Variants in BBX observed in about 807,000 individuals in gnomAD.
The protein encoded by BBX is BBX high mobility group box domain containing.
In BBX, 30 loss-of-function variants were observed where a neutral mutation model predicts 100.2. The observed-to-expected ratio is 0.30, with a 90% CI of 0.22 to 0.41. The LOEUF (loss-of-function observed/expected upper bound fraction) is 0.41, where lower values mean the gene tolerates loss of function less well. Among genes scored for constraint, BBX ranks in the 10% least tolerant of loss-of-function variants. BBX has a pLI of 1.00. For missense variants in BBX, 1,023 were observed against 1,129.8 expected (o/e 0.91, Z 1.35); for synonymous variants, 376 against 388.1 (o/e 0.97, Z 0.37).
intron 17 of BBX, among the ~76,000 whole-genome samples, chr3:107,802,206 G>C (rs186276768): frequency 1.3e-5 from 2 of 152,360 alleles, no homozygotes; most frequent in East Asian, 3.9e-4. Flanking sequence ...TCTCAACCCA[G>C]TGCAGCTTGT....
In BBX at chr3:107,607,704, G is replaced by A. The variant is rs532112144; in HGVS notation, c.-83-38132G>A. Reference sequence around the variant, plus strand: ...AGCGTGCAAGGGTTTCCTTTTCTCCGTATCCTTGCCAGCATTTGCTGTTGC... The same window carrying A: ...AGCGTGCAAGGGTTTCCTTTTCTCCATATCCTTGCCAGCATTTGCTGTTGC... On this transcript the variant is annotated intron_variant, in intron 2 of 17. Transcript: ENST00000325805. 5.3e-5 allele frequency among the ~76,000 whole-genome samples: 8 copies of A among 152,192 alleles called. No individual in the cohort carries two copies. The South Asian group carries it at 1.7e-3, about 32-fold the overall frequency.
intron 2 of BBX, among the ~76,000 whole-genome samples, chr3:107,529,885 G>A (rs925732567): frequency 2.3e-4 from 35 of 151,660 alleles, no homozygotes; most frequent in African/African-American, 7.0e-4. Flanking sequence ...AGTTATGTGA[G>A]AGAATACAAA....
chr3:107,595,214 T>C (rs980984482), intron 2 of BBX, among the ~76,000 whole-genome samples: 1 of 152,176 alleles, frequency 6.6e-6, no homozygotes, highest in Non-Finnish European at 1.5e-5. Context: ...ACATACGAGG[T>C]TCAGATTCAA....
chr3:107,683,599 T>C (rs2059682692), intron 3 of BBX, among the ~76,000 whole-genome samples: 10 of 152,180 alleles, frequency 6.6e-5, no homozygotes, highest in Admixed American at 5.2e-4. Context: ...AGTCACTGCA[T>C]GTTCACATAC....
intron 2 of BBX, among the ~76,000 whole-genome samples, chr3:107,619,809 G>A (rs2055601965): frequency 6.6e-6 from 1 of 152,024 alleles, no homozygotes; most frequent in African/African-American, 2.4e-5. Context: ...TCTGTCATTT[G>A]AATGTTATTC....
intron 10 of BBX, among the ~76,000 whole-genome samples, chr3:107,759,205 G>T (rs2107692456): frequency 6.6e-6 from 1 of 152,250 alleles, no homozygotes; most frequent in South Asian, 2.1e-4. Flanking sequence ...CCTGGGGAAG[G>T]TCCTAATTCA....
rs1450109398 is a variant in BBX at position 107,586,136 on chromosome 3, G to A, written c.-83-59700G>A. 3.3e-5 allele frequency among the ~76,000 whole-genome samples: 5 copies of A among 152,222 alleles called. No homozygotes were observed. The East Asian group carries it at 9.7e-4, about 29-fold the overall frequency. On this transcript the variant is annotated intron_variant, in intron 2 of 17. Coordinates refer to ENST00000325805, the MANE Select transcript of BBX (RefSeq NM_001142568.3). ...TAAAAAAAATAGACGGTGATTATTTGGCTAAGATAATTCACCCACATCATT... is the reference window on the plus strand; with the variant it reads ...TAAAAAAAATAGACGGTGATTATTTAGCTAAGATAATTCACCCACATCATT...
intron 3 of BBX, among the ~76,000 whole-genome samples, chr3:107,703,764 T>C (rs570426128): frequency 6.6e-6 from 1 of 152,348 alleles, no homozygotes; most frequent in South Asian, 2.1e-4. Flanking sequence ...TTTAGAATTG[T>C]CATTAGAATT....
intron 2 of BBX, among the ~76,000 whole-genome samples, chr3:107,607,512 A>G (rs1298388963): frequency 6.6e-6 from 1 of 152,246 alleles, no homozygotes; most frequent in African/African-American, 2.4e-5. Flanking sequence ...GTGCTGCAGT[A>G]AACATGGGAG....
chr3:107,531,847 C>T (rs1243128373), intron 2 of BBX, among the ~76,000 whole-genome samples: 1 of 152,144 alleles, frequency 6.6e-6, no homozygotes, highest in African/African-American at 2.4e-5. Context: ...TCTCCCTTGT[C>T]AGCACAGGGC....
intron 2 of BBX, among the ~76,000 whole-genome samples, chr3:107,532,614 C>G (rs1310629822): frequency 6.6e-6 from 1 of 152,070 alleles, no homozygotes; most frequent in Non-Finnish European, 1.5e-5. Flanking sequence ...CCTGAAATCT[C>G]AAAACAATGT....
chr3:107,719,337 A>G (rs2062355989), intron 5 of BBX, among the ~76,000 whole-genome samples: 1 of 151,992 alleles, frequency 6.6e-6, no homozygotes, highest in Non-Finnish European at 1.5e-5. Flanking sequence ...CTGTCCTGCC[A>G]TTATCAGTTG....
intron 2 of BBX, among the ~76,000 whole-genome samples, chr3:107,557,912 G>C (rs1450456067): frequency 6.6e-6 from 1 of 152,218 alleles, no homozygotes; most frequent in African/African-American, 2.4e-5. Flanking sequence ...GGGAAAGCAG[G>C]ATGAGGAGGG....
At chr3:107,783,066 T>G (rs1385970437) in intron 13 of BBX, among the ~76,000 whole-genome samples, 1 of 152,152 alleles carries the variant, frequency 6.6e-6, no homozygotes, top group Non-Finnish European at 1.5e-5. Flanking sequence ...GATGTAATAG[T>G]AAATTTCCTT....
chr3:107,708,719 A>AT (rs1349657763), intron 3 of BBX, among the ~76,000 whole-genome samples: 4 of 151,974 alleles, frequency 2.6e-5, no homozygotes, highest in South Asian at 2.1e-4. Context: ...AAAAATGAAG[A>AT]TTTTTTTAGA....
At chr3:107,714,427 A>G (rs2061957040) in intron 4 of BBX, among the ~76,000 whole-genome samples, 1 of 152,138 alleles carries the variant, frequency 6.6e-6, no homozygotes, top group Non-Finnish European at 1.5e-5. Flanking sequence ...CCCCCTCCCA[A>G]AACATGAGGT....
intron 10 of BBX, among the ~76,000 whole-genome samples, chr3:107,765,252 T>C (rs190875581): frequency 7.2e-5 from 11 of 152,324 alleles, no homozygotes; most frequent in Admixed American, 1.3e-4. Flanking sequence ...TTAAGTACTG[T>C]TGCATGTGCA....
At chr3:107,748,361 C>T (rs1367618820) in intron 9 of BBX, among the ~76,000 whole-genome samples, 1 of 152,128 alleles carries the variant, frequency 6.6e-6, no homozygotes, top group Non-Finnish European at 1.5e-5. Context: ...ATGTCAGAGG[C>T]TTTCGATTTA....
chr3:107,770,506 A>G (rs979060694), intron 10 of BBX, among the ~76,000 whole-genome samples: 2 of 152,260 alleles, frequency 1.3e-5, no homozygotes, highest in Non-Finnish European at 2.9e-5. Flanking sequence ...ATATAAAAAT[A>G]GTACATTCTC....
Sources: gnomAD v4.1 joint callset for allele counts (sites outside exome capture counted in the v4.1 genomes callset) on GRCh38, gnomAD v4.1.1 for gene constraint, MANE v1.5 for transcripts, NCBI Gene and HGNC (gene_info 2026-07-23, HGNC 2026-07-21) for gene names.